Variants in CDH18 observed in about 807,000 individuals in gnomAD.
CDH18 encodes the protein cadherin-18.
A neutral mutation model predicts 67.9 loss-of-function variants in CDH18; 31 were observed. The ratio of observed to expected loss-of-function variants is 0.46; its 90% CI spans 0.34 to 0.62. The LOEUF (loss-of-function observed/expected upper bound fraction) is 0.62. Among genes scored for constraint, CDH18 ranks in the 20% least tolerant of loss-of-function variants. The pLI is 0.01. For missense variants in CDH18, 890 were observed against 975.5 expected (o/e 0.91, Z 1.17); for synonymous variants, 362 against 347.2 (o/e 1.04, Z -0.48).
intron 2 of CDH18, among the ~76,000 whole-genome samples, chr5:20,118,280 CTT>C (rs755749852): frequency 2.0e-5 from 3 of 152,036 alleles, no homozygotes; most frequent in African/African-American, 4.8e-5. Flanking sequence ...TAAGAGGTAA[CTT>C]TTAAAAATAG....
intron 12 of CDH18, among the ~76,000 whole-genome samples, chr5:19,478,240 A>G (rs1361563188): frequency 1.3e-5 from 2 of 152,236 alleles, no homozygotes; most frequent in East Asian, 3.9e-4. Context: ...TCCATACTGA[A>G]TCTCAACATA....
chr5:19,699,850 T>G (rs182358680), intron 5 of CDH18, among the ~76,000 whole-genome samples: 117 of 152,112 alleles, frequency 7.7e-4, no homozygotes, highest in African/African-American at 2.6e-3. Flanking sequence ...CAGCCCAAAC[T>G]GGGGGTGGTT....
intron 1 of CDH18, among the ~76,000 whole-genome samples, chr5:20,328,016 G>C (rs1424082750): frequency 6.6e-6 from 1 of 152,116 alleles, no homozygotes; most frequent in African/African-American, 2.4e-5. Flanking sequence ...AAAGTCCTGG[G>C]GAATAGAGAC....
At chr5:20,517,089 T>G (rs908932147) in intron 1 of CDH18, among the ~76,000 whole-genome samples, 2 of 151,920 alleles carry the variant, frequency 1.3e-5, no homozygotes, top group Non-Finnish European at 2.9e-5. Context: ...CTAAACAATC[T>G]CAATTATGAT....
chr5:20,177,798 T>C (rs895720466), intron 2 of CDH18, among the ~76,000 whole-genome samples: 1 of 152,070 alleles, frequency 6.6e-6, no homozygotes, highest in Non-Finnish European at 1.5e-5. Flanking sequence ...TCATGAAATC[T>C]GATGGTTTGA....
At chr5:20,089,576 C>T (rs1446427488) in intron 2 of CDH18, among the ~76,000 whole-genome samples, 1 of 152,046 alleles carries the variant, frequency 6.6e-6, no homozygotes, top group African/African-American at 2.4e-5. Flanking sequence ...ATACTATTTA[C>T]ATTAAAATAT....
At chr5:20,382,152 A>G (rs1743958671) in intron 1 of CDH18, among the ~76,000 whole-genome samples, 1 of 152,202 alleles carries the variant, frequency 6.6e-6, no homozygotes, top group Non-Finnish European at 1.5e-5. Context: ...AGCCAACATT[A>G]GCCAAATACC....
At chr5:20,334,748 TCTCATA>T (rs1203879122) in intron 1 of CDH18, among the ~76,000 whole-genome samples, 1,611 of 117,562 alleles carry the variant, frequency 0.014, 30 homozygotes, top group African/African-American at 0.058. Context: ...TCTCTCTCTC[TCTCATA>T]CACACACACA....
intron 1 of CDH18, among the ~76,000 whole-genome samples, chr5:20,468,523 T>C (rs1473382705): frequency 1.3e-5 from 2 of 152,200 alleles, no homozygotes; most frequent in African/African-American, 4.8e-5. Flanking sequence ...CCAAACAATC[T>C]GATAAATATC....
At chr5:20,374,599 C>A (rs1246176768) in intron 1 of CDH18, among the ~76,000 whole-genome samples, 3 of 152,166 alleles carry the variant, frequency 2.0e-5, no homozygotes, top group Non-Finnish European at 4.4e-5. Context: ...TCTTTCCCGG[C>A]ATATTTTAGA....
intron 1 of CDH18, among the ~76,000 whole-genome samples, chr5:20,267,473 T>C (rs1745127868): frequency 6.6e-6 from 1 of 152,150 alleles, no homozygotes; most frequent in African/African-American, 2.4e-5. Flanking sequence ...CTGTGAAAAA[T>C]GATCTTGGCA....
At position 19,546,770 on chromosome 5, in the gene CDH18, G is replaced by C. The variant is rs149014173; in HGVS notation, c.1254-2765C>G. Among the ~76,000 whole-genome samples the C allele has an allele frequency of 8.0e-3, 1,218 of 152,142 alleles. 19 individuals carry two copies. The highest frequency in any genetic ancestry group is 0.027 in the African/African-American group (1,135 of 41,498). ...GGCAGAAGATATTAATAGCAGCATG[G>C]AGAATGAAACTACAGAGCAAGGAGC... On this transcript the variant is annotated intron_variant, in intron 8 of 12. Coordinates refer to ENST00000382275, the MANE Select transcript of CDH18 (RefSeq NM_004934.5).
At chr5:19,643,102 T>C (rs1754256993) in intron 5 of CDH18, among the ~76,000 whole-genome samples, 1 of 152,030 alleles carries the variant, frequency 6.6e-6, no homozygotes, top group Non-Finnish European at 1.5e-5. Context: ...TCATTAATCA[T>C]CAGAAAAATG....
intron 4 of CDH18, among the ~76,000 whole-genome samples, chr5:19,735,949 TA>T (rs1411343165): frequency 5.9e-5 from 9 of 152,230 alleles, no homozygotes; most frequent in Non-Finnish European, 1.2e-4. Flanking sequence ...TGTAAAAGAT[TA>T]TTTTTTTGAA....
intron 2 of CDH18, among the ~76,000 whole-genome samples, chr5:20,176,448 A>G (rs757268420): frequency 4.2e-4 from 64 of 152,174 alleles, no homozygotes; most frequent in Non-Finnish European, 6.6e-4. Flanking sequence ...CTTGCTTCTA[A>G]TGACTGCATA....
intron 2 of CDH18, among the ~76,000 whole-genome samples, chr5:20,107,947 C>T (rs1747115360): frequency 7.1e-6 from 1 of 141,646 alleles, no homozygotes; most frequent in Admixed American, 7.3e-5. Flanking sequence ...ACACGAGGGC[C>T]TCCTTGATTC....
intron 2 of CDH18, among the ~76,000 whole-genome samples, chr5:20,008,986 G>A (rs1186004897): frequency 6.6e-6 from 1 of 152,028 alleles, no homozygotes; most frequent in Non-Finnish European, 1.5e-5. Context: ...TTTCCTGGTG[G>A]GCTATGTTAT....
intron 1 of CDH18, among the ~76,000 whole-genome samples, chr5:20,273,640 T>C (rs898558267): frequency 9.9e-5 from 15 of 151,706 alleles, no homozygotes; most frequent in Non-Finnish European, 1.9e-4. Context: ...AAATTCAAAC[T>C]AAAAAAAATA....
intron 1 of CDH18, among the ~76,000 whole-genome samples, chr5:20,269,087 T>G (rs1018678646): frequency 1.3e-5 from 2 of 152,166 alleles, no homozygotes; most frequent in African/African-American, 4.8e-5. Flanking sequence ...AATAGATATT[T>G]TTTAAAAGAA....
Sources: allele counts gnomAD v4.1 joint callset (sites outside exome capture counted in the v4.1 genomes callset), GRCh38; gene constraint gnomAD v4.1.1; transcripts MANE v1.5; gene names NCBI Gene and HGNC (gene_info 2026-07-23, HGNC 2026-07-21).